Variants in CRPPA observed in about 807,000 individuals in gnomAD.
The protein encoded by CRPPA is D-ribitol-5-phosphate cytidylyltransferase.
A neutral mutation model predicts 52.0 loss-of-function variants in CRPPA; 43 were observed. The ratio of observed to expected loss-of-function variants is 0.83; its 90% CI spans 0.65 to 1.07. The LOEUF (loss-of-function observed/expected upper bound fraction) is 1.07, where lower values mean the gene tolerates loss of function less well. Among genes scored for constraint, CRPPA ranks in the 50% least tolerant of loss-of-function variants. CRPPA has a pLI of 0.00. For synonymous variants in CRPPA, 250 were observed against 203.5 expected (o/e 1.23, Z -1.94); for missense variants, 629 against 551.7 (o/e 1.14, Z -1.40).
At chr7:16,120,954 C>T (rs1256165033) in intron 9 of CRPPA, among the ~76,000 whole-genome samples, 1 of 151,768 alleles carries the variant, frequency 6.6e-6, no homozygotes, top group East Asian at 1.9e-4. Context: ...TCATTTTACA[C>T]AAAGACAAGC....
At chr7:16,243,696 G>C (rs1031546941) in intron 8 of CRPPA, among the ~76,000 whole-genome samples, 3 of 152,182 alleles carry the variant, frequency 2.0e-5, no homozygotes, top group Non-Finnish European at 4.4e-5. Flanking sequence ...GCTGGGTGCA[G>C]TGGCTACGTC....
intron 8 of CRPPA, among the ~76,000 whole-genome samples, chr7:16,248,402 G>C (rs1298223276): frequency 6.6e-6 from 1 of 152,086 alleles, no homozygotes; most frequent in Admixed American, 6.6e-5. Flanking sequence ...GGGACAGAGA[G>C]AGAAACATAA....
At chr7:16,095,903 G>C (rs1285436800) in intron 9 of CRPPA, among the ~76,000 whole-genome samples, 1 of 152,194 alleles carries the variant, frequency 6.6e-6, no homozygotes, top group East Asian at 1.9e-4. Flanking sequence ...ACGAGGCCTA[G>C]CAGAGAATAA....
intron 4 of CRPPA, among the ~76,000 whole-genome samples, chr7:16,306,936 C>G (rs1422691520): frequency 6.6e-6 from 1 of 151,340 alleles, no homozygotes; most frequent in African/African-American, 2.4e-5. Context: ...GGCAATACTT[C>G]AAACATGTCA....
intron 9 of CRPPA, among the ~76,000 whole-genome samples, chr7:16,189,973 C>A (rs1583417857): frequency 6.6e-6 from 1 of 152,042 alleles, no homozygotes; most frequent in Non-Finnish European, 1.5e-5. Flanking sequence ...TCTAAAAAAT[C>A]CAATATTAGA....
chr7:16,158,096 G>A (rs1295768609), intron 9 of CRPPA, among the ~76,000 whole-genome samples: 1 of 150,474 alleles, frequency 6.6e-6, no homozygotes, highest in Non-Finnish European at 1.5e-5. Flanking sequence ...ATGTTGGCCA[G>A]GCTGATCTTG....
At chr7:16,286,123 A>C in intron 5 of CRPPA, among the ~76,000 whole-genome samples, 1 of 107,862 alleles carries the variant, frequency 9.3e-6, no homozygotes, top group Non-Finnish European at 1.8e-5. Context: ...TATATGCCAA[A>C]AAGAAACAAT....
intron 5 of CRPPA, among the ~76,000 whole-genome samples, chr7:16,299,664 G>A (rs967382054): frequency 6.6e-6 from 1 of 152,188 alleles, no homozygotes; most frequent in Admixed American, 6.5e-5. Context: ...TGACCTAAAT[G>A]AGCTGTTTAC....
At chr7:16,245,476 A>G (rs1783244189) in intron 8 of CRPPA, among the ~76,000 whole-genome samples, 1 of 152,222 alleles carries the variant, frequency 6.6e-6, no homozygotes, top group South Asian at 2.1e-4. Context: ...AATCACTGAC[A>G]GGACAATTCA....
At chr7:16,185,674 G>A (rs1267553135) in intron 9 of CRPPA, among the ~76,000 whole-genome samples, 2 of 152,214 alleles carry the variant, frequency 1.3e-5, no homozygotes, top group South Asian at 2.1e-4. Context: ...AGAACCACTT[G>A]AAATATGTAT....
At chr7:16,176,357 C>A (rs759300190) in intron 9 of CRPPA, among the ~76,000 whole-genome samples, 3 of 152,126 alleles carry the variant, frequency 2.0e-5, no homozygotes, top group Admixed American at 6.5e-5. Flanking sequence ...CCTCTGAACT[C>A]TGACACCAAC....
chr7:16,266,951 G>A (rs1383772369), intron 6 of CRPPA, among the ~76,000 whole-genome samples: 2 of 152,132 alleles, frequency 1.3e-5, no homozygotes, highest in African/African-American at 2.4e-5. Flanking sequence ...TGTTTGGCAG[G>A]CATGTTCTGT....
At chr7:16,316,820 G>A in intron 3 of CRPPA, among the ~76,000 whole-genome samples, 1 of 152,084 alleles carries the variant, frequency 6.6e-6, no homozygotes, top group East Asian at 1.9e-4. Flanking sequence ...TCACACCTCT[G>A]CATTCCAACC....
chr7:16,300,273 TTAAA>T (rs1784765712), intron 5 of CRPPA, among the ~76,000 whole-genome samples: 1 of 152,170 alleles, frequency 6.6e-6, no homozygotes, highest in Admixed American at 6.5e-5. Flanking sequence ...CTGTTGATGG[TTAAA>T]TAGGGTTTCC....
At chr7:16,281,255 T>G (rs1784315677) in intron 5 of CRPPA, among the ~76,000 whole-genome samples, 1 of 152,198 alleles carries the variant, frequency 6.6e-6, no homozygotes, top group African/African-American at 2.4e-5. Context: ...CTTTGTAGTT[T>G]CCAGTGCAGA....
chr7:16,301,774 C>G (rs1167825092), intron 4 of CRPPA, among the ~76,000 whole-genome samples: 1 of 152,046 alleles, frequency 6.6e-6, no homozygotes, highest in Admixed American at 6.6e-5. Flanking sequence ...ATTAACATGA[C>G]TGCATAAAAA....
chr7:16,218,730 A>T (rs1265421376), intron 8 of CRPPA, among the ~76,000 whole-genome samples: 12 of 127,186 alleles, frequency 9.4e-5, no homozygotes, highest in Admixed American at 4.1e-4. Context: ...TCAATTCAAC[A>T]AGAAGAGCTA....
intron 9 of CRPPA, among the ~76,000 whole-genome samples, chr7:16,182,675 C>G (rs1781434117): frequency 6.6e-6 from 1 of 152,086 alleles, no homozygotes; most frequent in Non-Finnish European, 1.5e-5. Context: ...TCTTCATAAC[C>G]AAGTTATCAG....
chr7:16,218,106 T>C (rs1782382597), intron 8 of CRPPA, among the ~76,000 whole-genome samples: 1 of 152,142 alleles, frequency 6.6e-6, no homozygotes, highest in South Asian at 2.1e-4. Flanking sequence ...GCAGAAACCC[T>C]ACAAGCCAGA....
Sources: allele counts gnomAD v4.1 joint callset (sites outside exome capture counted in the v4.1 genomes callset), GRCh38; gene constraint gnomAD v4.1.1; transcripts MANE v1.5; gene names NCBI Gene and HGNC (gene_info 2026-07-23, HGNC 2026-07-21).